Variants in CACNA2D1 observed in about 807,000 individuals in gnomAD.
The protein encoded by CACNA2D1 is voltage-dependent calcium channel subunit alpha-2/delta-1.
Under a neutral mutation model 171.5 loss-of-function variants are expected in CACNA2D1, and 53 were observed. The ratio of observed to expected loss-of-function variants is 0.31; its 90% CI spans 0.25 to 0.39. The LOEUF is 0.39. Among genes scored for constraint, CACNA2D1 ranks in the 10% least tolerant of loss-of-function variants. CACNA2D1 has a pLI of 1.00. For synonymous variants in CACNA2D1, 442 were observed against 443.1 expected (o/e 1.00, Z 0.03); for missense variants, 903 against 1,299.8 (o/e 0.69, Z 4.69).
Position 82,334,992 on chromosome 7 carries a change from A to G in CACNA2D1, c.294+143T>C, listed in dbSNP as rs904390444. 6.1e-5 allele frequency: 38 copies of G among 621,748 alleles called. 1 individual carries two copies. The highest frequency in any genetic ancestry group is 8.9e-5 in the Non-Finnish European group (31 of 348,182). The allele number at this position is 621,748 out of a possible 1,614,324, so 38.5% of individuals were successfully genotyped here. ...TTTTGGGGTTTGCATTTAAACCATG[A>G]TATCTCATTTTTTATGAACATATCA... On this transcript the variant is annotated intron_variant, in intron 3 of 38. Transcript: ENST00000356860.
intron 1 of CACNA2D1, among the ~76,000 whole-genome samples, chr7:82,380,346 G>C (rs2129449241): frequency 6.6e-6 from 1 of 152,106 alleles, no homozygotes; most frequent in East Asian, 1.9e-4. Flanking sequence ...CTTTATACCA[G>C]AGTCTAGACA....
chr7:82,387,706 A>C (rs1246730037), intron 1 of CACNA2D1, among the ~76,000 whole-genome samples: 2 of 152,224 alleles, frequency 1.3e-5, no homozygotes, highest in African/African-American at 4.8e-5. Flanking sequence ...AGCTAAATGC[A>C]AGTAAAAGTG....
chr7:82,223,282 A>C (rs1010717196), intron 3 of CACNA2D1, among the ~76,000 whole-genome samples: 1 of 152,218 alleles, frequency 6.6e-6, no homozygotes, highest in African/African-American at 2.4e-5. Context: ...TTGTACTTCC[A>C]AAGCATTGGA....
chr7:82,274,874 G>GAATGAATT (rs1809116711), intron 3 of CACNA2D1, among the ~76,000 whole-genome samples: 1 of 151,982 alleles, frequency 6.6e-6, no homozygotes. Flanking sequence ...ATGAATGAAT[G>GAATGAATT]AATGAATGAA....
intron 1 of CACNA2D1, among the ~76,000 whole-genome samples, chr7:82,354,437 G>A (rs1469714802): frequency 6.6e-6 from 1 of 152,160 alleles, no homozygotes. Context: ...GAACCAAAGA[G>A]AAATCTAATC....
At chr7:82,102,317 GAGA>G (rs1387793453) in intron 6 of CACNA2D1, among the ~76,000 whole-genome samples, 3 of 151,950 alleles carry the variant, frequency 2.0e-5, no homozygotes, top group African/African-American at 7.2e-5. Flanking sequence ...AAAAAATCCT[GAGA>G]AGCAGAGGAA....
At chr7:82,425,080 G>A (rs1166664807) in intron 1 of CACNA2D1, among the ~76,000 whole-genome samples, 2 of 152,094 alleles carry the variant, frequency 1.3e-5, no homozygotes, top group African/African-American at 4.8e-5. Context: ...ATGTGGTAAA[G>A]GTAACACGAT....
chr7:82,086,955 C>T (rs187313623), intron 6 of CACNA2D1, among the ~76,000 whole-genome samples: 142 of 152,146 alleles, frequency 9.3e-4, no homozygotes, highest in African/African-American at 3.2e-3. Context: ...TTAAGATTTC[C>T]AGTTGATGCT....
chr7:81,980,172 CAAAAAAAAAAAA>C (rs35616922), intron 24 of CACNA2D1, among the ~76,000 whole-genome samples: 268 of 25,262 alleles, frequency 0.011, 5 homozygotes, highest in East Asian at 0.087. Context: ...TAAAACCAAG[CAAAAAAAAAAAA>C]AAAAAAAAAA....
Position 82,010,815 on chromosome 7 carries a change from G to A in CACNA2D1, c.1362+1339C>T, listed in dbSNP as rs1330398707. The stretch of plus-strand genomic sequence containing the variant: ...AGTAATTCTAAATGGACTGCATTTT[G>A]CCCTATGGGTTCATCATTACATTTG... On this transcript the variant is annotated intron_variant, in intron 15 of 38. Transcript: ENST00000356860. Among the ~76,000 whole-genome samples, 4 of 152,188 alleles carry A rather than the reference G, an allele frequency of 2.6e-5. No individual in the cohort carries two copies. The East Asian group carries it at 7.7e-4, about 29-fold the overall frequency.
chr7:82,253,009 G>C (rs1349818106), intron 3 of CACNA2D1, among the ~76,000 whole-genome samples: 7 of 152,156 alleles, frequency 4.6e-5, no homozygotes. Context: ...CAATTTTAAA[G>C]AATGAGAAGT....
intron 3 of CACNA2D1, among the ~76,000 whole-genome samples, chr7:82,324,744 C>G (rs1816434606): frequency 6.6e-6 from 1 of 152,116 alleles, no homozygotes; most frequent in African/African-American, 2.4e-5. Flanking sequence ...AAGCAGTAAT[C>G]TGCTTCAGAA....
At chr7:81,953,198 G>A (rs1351906118) in intron 38 of CACNA2D1, among the ~76,000 whole-genome samples, 1 of 152,094 alleles carries the variant, frequency 6.6e-6, no homozygotes, top group Non-Finnish European at 1.5e-5. Context: ...TTTTGCAAAA[G>A]CTGTCTCACT....
At chr7:82,092,274 T>G (rs867056399) in intron 6 of CACNA2D1, among the ~76,000 whole-genome samples, 4 of 152,234 alleles carry the variant, frequency 2.6e-5, no homozygotes, top group Admixed American at 2.0e-4. Context: ...AAATTTTCAT[T>G]TCAAATTTAG....
At position 82,410,560 on chromosome 7, in the gene CACNA2D1, T is replaced by C. The variant is rs1446356293; in HGVS notation, c.95+32805A>G. The C allele has an allele frequency of 4.1e-6, 4 of 983,618 alleles. No individual in the cohort carries two copies. The African/African-American group carries it at 7.0e-5, about 17-fold the overall frequency. The allele number at this position is 983,618 out of a possible 1,614,324, so 60.9% of individuals were successfully genotyped here. A position where few individuals can be genotyped will look rare whatever the true frequency, so the allele number is the denominator to read the frequency against. On this transcript the variant is annotated intron_variant, in intron 1 of 38. Transcript: ENST00000356860. ...TACATCAGGGGTGGCTGATGCCAGG[T>C]GGCTGGCTTGCGACACTTAGGAAGT... is the stretch of plus-strand genomic sequence containing the variant.
rs1241676147 is a variant in CACNA2D1, at chr7:82,112,313, C to CTT, written c.526+4730_526+4731insAA. 4.6e-5 allele frequency among the ~76,000 whole-genome samples: 7 copies of CTT among 152,200 alleles called. No homozygotes were observed. The East Asian group carries it at 1.4e-3, about 29-fold the overall frequency. ...CTCACGTCTTCTCATTATTTCAAAG[C>CTT]TAATTACAAAGAATAACATTATACA... On this transcript the variant is annotated intron_variant, in intron 6 of 38. Transcript: ENST00000356860.
At chr7:82,202,059 T>C (rs1359422615) in intron 3 of CACNA2D1, among the ~76,000 whole-genome samples, 1 of 152,190 alleles carries the variant, frequency 6.6e-6, no homozygotes, top group African/African-American at 2.4e-5. Context: ...ACAGCAAGTT[T>C]GGAGTGCGGG....
At chr7:82,353,193 G>A (rs892628656) in intron 1 of CACNA2D1, among the ~76,000 whole-genome samples, 4 of 152,068 alleles carry the variant, frequency 2.6e-5, no homozygotes, top group African/African-American at 7.2e-5. Context: ...GGGAAAAGAA[G>A]GGGAGGCCAA....
chr7:81,967,361 T>C lies in CACNA2D1; in HGVS notation c.2464-154A>G, dbSNP rs73375740. ...TATAAGAAACAAAAGTTTTATCTTATTAGACAATGTCAATCAATATATAAA... is the reference window on the plus strand; with the variant it reads ...TATAAGAAACAAAAGTTTTATCTTACTAGACAATGTCAATCAATATATAAA... On this transcript the variant is annotated intron_variant, in intron 30 of 38. Coordinates refer to ENST00000356860, the MANE Select transcript of CACNA2D1 (RefSeq NM_000722.4). Among the ~76,000 whole-genome samples, 283 of 151,628 alleles carry C rather than the reference T, an allele frequency of 1.9e-3. 1 individual carries two copies. Among genetic ancestry groups the C allele is most frequent in the African/African-American group, 6.6e-3 (273 of 41,494 alleles).
Sources: allele counts gnomAD v4.1 joint callset (sites outside exome capture counted in the v4.1 genomes callset), GRCh38; gene constraint gnomAD v4.1.1; transcripts MANE v1.5; gene names NCBI Gene and HGNC (gene_info 2026-07-23, HGNC 2026-07-21).